The following ATP2B2 variants were observed in gnomAD, a reference collection of about 807,000 sequenced individuals.
The protein encoded by ATP2B2 is plasma membrane calcium-transporting ATPase 2.
A neutral mutation model predicts 120.0 loss-of-function variants in ATP2B2; 15 were observed. The ratio of observed to expected loss-of-function variants is 0.12; its 90% CI spans 0.08 to 0.19. ATP2B2 has a LOEUF of 0.19. ATP2B2 is among the 10% of genes least tolerant of loss of function. The pLI is 1.00. For missense variants in ATP2B2, 1,045 were observed against 1,719.8 expected, an observed-to-expected ratio of 0.61 and a Z score of 6.94; for synonymous variants, 694 against 700.3, an observed-to-expected ratio of 0.99 and a Z score of 0.14.
At position 10,483,583 on chromosome 3, in the gene ATP2B2, C is replaced by A. The variant is rs530427355; in HGVS notation, c.-320+21882G>T. On this transcript the variant is annotated intron_variant, in intron 1 of 22. Coordinates refer to ENST00000360273, the MANE Select transcript of ATP2B2 (RefSeq NM_001001331.4). The stretch of plus-strand genomic sequence containing the variant: ...GTCTGATGAGCGATCTACCTGGAAG[C>A]CTCTTACTGGGGAATTCTCTGCGGG... Among the ~76,000 whole-genome samples the A allele has an allele frequency of 5.3e-5, 8 of 152,312 alleles. No homozygotes were observed. In the East Asian group the frequency reaches 1.5e-3, roughly 29 times the overall value.
At chr3:10,508,724 G>A (rs185734229), upstream of ATP2B2, among the ~76,000 whole-genome samples, 1 of 152,184 alleles carries the variant, frequency 6.6e-6, no homozygotes, top group Admixed American at 6.5e-5. Context: ...GGGGGCAGGG[G>A]GTATTGGACA....
intron 5 of ATP2B2, among the ~76,000 whole-genome samples, chr3:10,395,928 T>A (rs1447490858): frequency 6.6e-6 from 1 of 152,192 alleles, no homozygotes; most frequent in Non-Finnish European, 1.5e-5. Flanking sequence ...TTCTGAATAT[T>A]TTTACTCTGT....
At chr3:10,370,214 C>G (rs2061185272) in intron 12 of ATP2B2, among the ~76,000 whole-genome samples, 1 of 152,222 alleles carries the variant, frequency 6.6e-6, no homozygotes. Context: ...TGGCAGATCC[C>G]AAGAATTCTT....
At chr3:10,433,062 T>C (rs1266962039) in intron 2 of ATP2B2, among the ~76,000 whole-genome samples, 1 of 152,180 alleles carries the variant, frequency 6.6e-6, no homozygotes, top group Non-Finnish European at 1.5e-5. Context: ...AGTGAAGCTG[T>C]CTTGGTTCAG....
intron 2 of ATP2B2, among the ~76,000 whole-genome samples, chr3:10,612,681 C>T (rs576944483): frequency 6.6e-6 from 1 of 152,360 alleles, no homozygotes; most frequent in African/African-American, 2.4e-5. Flanking sequence ...GCCTGTGCCA[C>T]ATTTCCACTT....
intron 2 of ATP2B2, among the ~76,000 whole-genome samples, chr3:10,414,376 G>T (rs760639234): frequency 1.3e-5 from 2 of 152,214 alleles, no homozygotes; most frequent in Non-Finnish European, 2.9e-5. Context: ...CTGAGTCCCA[G>T]GACAGCAGAC....
At chr3:10,659,374 G>A (rs922561327) in intron 1 of ATP2B2, among the ~76,000 whole-genome samples, 4 of 152,170 alleles carry the variant, frequency 2.6e-5, no homozygotes, top group Non-Finnish European at 5.9e-5. Flanking sequence ...GACACACATA[G>A]GCTCAAAATA....
chr3:10,480,072 T>A (rs1192457720), intron 1 of ATP2B2, among the ~76,000 whole-genome samples: 2 of 152,194 alleles, frequency 1.3e-5, no homozygotes, highest in Admixed American at 6.5e-5. Context: ...CTCCAGAGCC[T>A]GGGTGACAGA....
rs553352558 is a variant in ATP2B2 at position 10,551,461 on chromosome 3, C to T, written c.-414-17328G>A. 4.8e-4 allele frequency among the ~76,000 whole-genome samples: 73 copies of T among 152,324 alleles called. No individual in the cohort carries two copies. The South Asian group carries it at 0.011, about 24-fold the overall frequency. ...TCAGTGCTACTTGCAAGATACAATC[C>T]CTGATGCAGTTCCTTCCTCTGTAAC... is the stretch of plus-strand genomic sequence containing the variant. On this transcript the variant is annotated intron_variant, in intron 2 of 21. Transcript: ENST00000646379.
intron 2 of ATP2B2, among the ~76,000 whole-genome samples, chr3:10,424,499 G>A (rs1304651958): frequency 6.6e-6 from 1 of 152,236 alleles, no homozygotes; most frequent in East Asian, 1.9e-4. Context: ...GGAAAACTTA[G>A]TCACCAGACT....
In ATP2B2 at chr3:10,683,746, A is replaced by ATG. The variant is rs1408104149; in HGVS notation, c.-460+24168_-460+24169insCA. Among the ~76,000 whole-genome samples, 241 of 40,774 alleles carry ATG rather than the reference A, an allele frequency of 5.9e-3. 3 individuals are homozygous for ATG. The highest frequency in any genetic ancestry group is 0.016 in the African/African-American group (163 of 10,304). 26.7% of individuals were successfully genotyped at this position (40,774 alleles called of 152,430 possible). On this transcript the variant is annotated intron_variant, in intron 1 of 21. Transcript: ENST00000646379. ...TGTGTGTGTATATATATGTGTATAT[A>ATG]TATGTGTGTGTGTGTATATATATAT... is the stretch of plus-strand genomic sequence containing the variant.
rs564841311 is a variant in ATP2B2, at chr3:10,402,557, GA to G, written c.398-210del. The stretch of plus-strand genomic sequence containing the variant: ...GGGTATTCCCGCTGCCCATTTCACA[GA>G]TGTGGAAGCTGAGGTTTCTCAGAGA... On this transcript the variant is annotated intron_variant, in intron 3 of 22. Transcript: ENST00000360273. The surrounding 1 kb of genome is among the most constrained non-coding windows in gnomAD (Gnocchi z 4.9). Among the ~76,000 whole-genome samples the G allele has an allele frequency of 4.6e-5, 7 of 152,382 alleles. No individual in the cohort carries two copies. In the East Asian group the frequency reaches 1.3e-3, roughly 29 times the overall value.
chr3:10,704,191 A>T (rs1319464677), intron 1 of ATP2B2, among the ~76,000 whole-genome samples: 3 of 152,222 alleles, frequency 2.0e-5, no homozygotes, highest in Non-Finnish European at 4.4e-5. Flanking sequence ...TGGCCTCGCC[A>T]TAACTGAATA....
At chr3:10,506,857 G>A (rs567468898), upstream of ATP2B2, among the ~76,000 whole-genome samples, 723 of 152,356 alleles carry the variant, frequency 4.7e-3, 3 homozygotes, top group African/African-American at 0.017. Context: ...GTCCCGAGCT[G>A]CCGCTCCATC....
chr3:10,590,116 T>C (rs1471326749), intron 2 of ATP2B2, among the ~76,000 whole-genome samples: 2 of 152,208 alleles, frequency 1.3e-5, no homozygotes, highest in Non-Finnish European at 2.9e-5. Flanking sequence ...GGGACTATGA[T>C]ACATGCAATT....
chr3:10,377,918 T>A lies in ATP2B2; in HGVS notation c.1201+334A>T, dbSNP rs60244465. On this transcript the variant is annotated intron_variant, in intron 10 of 22. Transcript: ENST00000360273. ...CAGCAGTCTGTGAAGTGGGGACAAC[T>A]ATTATCCTCATTTTACAGATGAGGA... is the stretch of plus-strand genomic sequence containing the variant. Among the ~76,000 whole-genome samples the A allele has an allele frequency of 4.0e-3, 609 of 152,342 alleles. 4 individuals are homozygous for A. Among genetic ancestry groups the A allele is most frequent in the African/African-American group, 0.013 (543 of 41,572 alleles).
At chr3:10,673,165 G>T (rs547919521) in intron 1 of ATP2B2, among the ~76,000 whole-genome samples, 1 of 152,150 alleles carries the variant, frequency 6.6e-6, no homozygotes, top group African/African-American at 2.4e-5. Context: ...CATCAGTTCC[G>T]TCACCATTGC....
At chr3:10,584,062 A>C (rs948966593) in intron 2 of ATP2B2, among the ~76,000 whole-genome samples, 2 of 152,216 alleles carry the variant, frequency 1.3e-5, no homozygotes, top group African/African-American at 4.8e-5. Context: ...TGCAAGGGAC[A>C]GTCTGAAGGG....
In ATP2B2 at chr3:10,329,412, T is replaced by G. The variant is rs530239740; in HGVS notation, c.3421-287A>C. On this transcript the variant is annotated intron_variant, in intron 22 of 22. Transcript: ENST00000360273. This position sits in a 1 kb window ranked among gnomAD's most constrained non-coding sequence, Gnocchi z 5.9. ...TCAAAGAGATGATGGGGAACAGTGG[T>G]TAAAGGAAGCACAGTCGACTCCTGC... Among the ~76,000 whole-genome samples the G allele has an allele frequency of 6.6e-6, 1 of 151,974 alleles. No homozygotes were observed. Among genetic ancestry groups the G allele is most frequent in the East Asian group, 1.9e-4 (1 of 5,160 alleles).
Sources: gnomAD v4.1 joint callset for allele counts (sites outside exome capture counted in the v4.1 genomes callset) on GRCh38, gnomAD v4.1.1 for gene constraint, Gnocchi (gnomAD v3.1) non-coding constraint, MANE v1.5 for transcripts, NCBI Gene and HGNC (gene_info 2026-07-23, HGNC 2026-07-21) for gene names.